The following TTBK2 variants were observed in gnomAD, a reference collection of about 807,000 sequenced individuals.
TTBK2 encodes the protein tau tubulin kinase 2.
Under a neutral mutation model 110.8 loss-of-function variants are expected in TTBK2, and 28 were observed. The observed-to-expected ratio is 0.25, with a 90% CI of 0.19 to 0.35. The LOEUF (loss-of-function observed/expected upper bound fraction) is 0.35. Ranked by LOEUF, TTBK2 falls within the 10% of genes least tolerant of loss-of-function variation. The pLI is 1.00. For synonymous variants in TTBK2, 532 were observed against 527.3 expected, an observed-to-expected ratio of 1.01 and a Z score of -0.12; for missense variants, 1,369 against 1,500.3, an observed-to-expected ratio of 0.91 and a Z score of 1.45.
chr15:42,837,635 G>C (rs1220535669), intron 4 of TTBK2, among the ~76,000 whole-genome samples: 1 of 140,268 alleles, frequency 7.1e-6, no homozygotes, highest in Non-Finnish European at 1.5e-5. Flanking sequence ...CTCCTGCCCG[G>C]TGACAGAGTG....
chr15:42,824,987 C>T (rs1427122240), intron 6 of TTBK2, among the ~76,000 whole-genome samples: 2 of 151,832 alleles, frequency 1.3e-5, no homozygotes, highest in Admixed American at 6.6e-5. Context: ...TGGCTCACAC[C>T]TGTAATTTTA....
chr15:42,762,335 G>A (rs1020918866), intron 13 of TTBK2, among the ~76,000 whole-genome samples: 1 of 152,190 alleles, frequency 6.6e-6, no homozygotes, highest in African/African-American at 2.4e-5. Context: ...AGAGATATCT[G>A]CACACTCACG....
intron 4 of TTBK2, 25 bp from the exon 5 acceptor site, chr15:42,830,103 C>T: frequency 6.2e-7 from 1 of 1,613,514 alleles, no homozygotes; most frequent in Non-Finnish European, 8.5e-7. Flanking sequence ...TAAACACTTT[C>T]AAATACAGTA....
At position 42,869,380 on chromosome 15, in the gene TTBK2, C is replaced by T. The variant is rs570960635; in HGVS notation, c.217+3231G>A. Among the ~76,000 whole-genome samples, 55 of 150,836 alleles carry T rather than the reference C, an allele frequency of 3.6e-4. No individual in the cohort carries two copies. The South Asian group carries it at 0.01, about 28-fold the overall frequency. On this transcript the variant is annotated intron_variant, in intron 3 of 14. Transcript: ENST00000267890. ...CTGGGATTACAGGCATGAGCCACCA[C>T]GCCTGGCCTAAACTATACTTATTAA...
intron 1 of TTBK2, among the ~76,000 whole-genome samples, chr15:42,893,789 G>T (rs1255884823): frequency 1.3e-5 from 2 of 151,936 alleles, no homozygotes; most frequent in African/African-American, 2.4e-5. Context: ...TGAAACAGGG[G>T]TTATCACTAT....
In TTBK2 at chr15:42,740,345, G is replaced by A. The variant is rs1177005323; in HGVS notation, c.*5450C>T. 6.6e-6 allele frequency: 1 copy of A among 152,198 alleles called. No individual in the cohort carries two copies. The highest frequency in any genetic ancestry group is 1.5e-5 in the Non-Finnish European group (1 of 68,040). 9.4% of individuals were successfully genotyped at this position (152,198 alleles called of 1,614,324 possible). A position where few individuals can be genotyped will look rare whatever the true frequency, so the allele number is the denominator to read the frequency against. On this transcript the variant is annotated 3_prime_UTR_variant, in exon 15 of 15. Coordinates refer to ENST00000267890, the MANE Select transcript of TTBK2 (RefSeq NM_173500.4). ...AAGGAAATATCCTAATCATTACTGT[G>A]TAATGTTACTTTTTTGCTATTCAGT...
At chr15:42,761,187 TG>T (rs2062020535) in intron 13 of TTBK2, among the ~76,000 whole-genome samples, 1 of 152,138 alleles carries the variant, frequency 6.6e-6, no homozygotes, top group South Asian at 2.1e-4. Context: ...CAGCTCAAAA[TG>T]GATTAAAGAC....
intron 9 of TTBK2, among the ~76,000 whole-genome samples, chr15:42,806,174 G>C (rs1891460732): frequency 6.6e-6 from 1 of 152,160 alleles, no homozygotes; most frequent in Admixed American, 6.5e-5. Context: ...CTGAGGCAGA[G>C]AATCACTTGA....
chr15:42,916,649 T>G (rs928941147), intron 1 of TTBK2, among the ~76,000 whole-genome samples: 1 of 152,300 alleles, frequency 6.6e-6, no homozygotes, highest in Non-Finnish European at 1.5e-5. Context: ...GTGATAAAAC[T>G]TTTAGATATT....
chr15:42,859,759 G>C lies in TTBK2; in HGVS notation c.217+12852C>G, dbSNP rs192980869. ...CAAATAAATATCAGAACCAAACATGGCAGGGATGTTGAAACAATCAGATCA... is the reference window on the plus strand; with the variant it reads ...CAAATAAATATCAGAACCAAACATGCCAGGGATGTTGAAACAATCAGATCA... On this transcript the variant is annotated intron_variant, in intron 3 of 14. Transcript: ENST00000267890. Among the ~76,000 whole-genome samples, 32 of 152,234 alleles carry C rather than the reference G, an allele frequency of 2.1e-4. No individual in the cohort carries two copies. The East Asian group carries it at 4.8e-3, about 23-fold the overall frequency.
chr15:42,777,602 A>T (rs953906603), intron 11 of TTBK2, among the ~76,000 whole-genome samples: 1 of 152,222 alleles, frequency 6.6e-6, no homozygotes, highest in African/African-American at 2.4e-5. Flanking sequence ...CCTATGAGAC[A>T]TAAGTGGTCT....
At chr15:42,811,027 G>A (rs1324834852) in intron 8 of TTBK2, among the ~76,000 whole-genome samples, 1 of 152,170 alleles carries the variant, frequency 6.6e-6, no homozygotes, top group Non-Finnish European at 1.5e-5. Flanking sequence ...GTCTTGCTCT[G>A]TCACCCAGGC....
At position 42,743,938 on chromosome 15, in the gene TTBK2, G is replaced by C. The variant is rs536837307; in HGVS notation, c.*1857C>G. 42 of 152,094 alleles carry C rather than the reference G, an allele frequency of 2.8e-4. No individual in the cohort carries two copies. Among genetic ancestry groups the C allele is most frequent in the Admixed American group, 1.1e-3 (17 of 15,276 alleles). The allele number at this position is 152,094 out of a possible 1,614,324, so 9.4% of individuals were successfully genotyped here. On this transcript the variant is annotated 3_prime_UTR_variant, in exon 15 of 15. Coordinates refer to ENST00000267890, the MANE Select transcript of TTBK2 (RefSeq NM_173500.4). ...ATCTGTGATCTCGAAATTACAAATG[G>C]AGAATGACAAAGAATGACTCTATAT...
intron 10 of TTBK2, among the ~76,000 whole-genome samples, chr15:42,794,123 TA>T (rs917763723): frequency 2.7e-5 from 3 of 109,660 alleles, no homozygotes; most frequent in African/African-American, 1.0e-4. Flanking sequence ...AAAAGACAAA[TA>T]AAAAAACAAA....
chr15:42,874,351 C>T (rs2141121509), intron 2 of TTBK2, among the ~76,000 whole-genome samples: 1 of 151,552 alleles, frequency 6.6e-6, no homozygotes, highest in Admixed American at 6.6e-5. Context: ...TAGTCTCACA[C>T]TGTTGCCAGG....
In TTBK2 at chr15:42,904,874, A is replaced by AT. The variant is rs769350686; in HGVS notation, c.-68+15563dup. Among the ~76,000 whole-genome samples the AT allele has an allele frequency of 9.2e-3, 1,342 of 145,398 alleles. 8 individuals are homozygous for AT. The highest frequency in any genetic ancestry group is 0.022 in the East Asian group (110 of 5,004). On this transcript the variant is annotated intron_variant, in intron 1 of 14. Transcript: ENST00000267890. ...AAAATGAGACATCAAACTGTATATA[A>AT]TTTTTTTTTTTTTTTGACGCAGGGT...
chr15:42,768,069 G>A (rs1342518088), intron 13 of TTBK2, among the ~76,000 whole-genome samples: 8 of 152,206 alleles, frequency 5.3e-5, no homozygotes, highest in Non-Finnish European at 8.8e-5. Flanking sequence ...ACAGCCCTTC[G>A]TGCTAAAAAC....
At chr15:42,797,811 G>GTATA (rs148604835) in intron 9 of TTBK2, among the ~76,000 whole-genome samples, 1 of 151,120 alleles carries the variant, frequency 6.6e-6, no homozygotes, top group Non-Finnish European at 1.5e-5. Flanking sequence ...ACATGTCTGT[G>GTATA]TATATATATA....
chr15:42,832,754 C>T (rs1235139818), intron 4 of TTBK2, among the ~76,000 whole-genome samples: 1 of 152,104 alleles, frequency 6.6e-6, no homozygotes, highest in African/African-American at 2.4e-5. Context: ...ACGTGAATCA[C>T]CCCTTTAGTC....
Sources: allele counts gnomAD v4.1 joint callset (sites outside exome capture counted in the v4.1 genomes callset), GRCh38; gene constraint gnomAD v4.1.1; transcripts MANE v1.5; gene names NCBI Gene and HGNC (gene_info 2026-07-23, HGNC 2026-07-21).